Variants in KCNT2 observed in about 807,000 individuals in gnomAD.
KCNT2 encodes potassium sodium-activated channel subfamily T member 2, also known as potassium channel subfamily T member 2.
Under a neutral mutation model 153.8 loss-of-function variants are expected in KCNT2, and 67 were observed. That is an observed-to-expected ratio of 0.44 (90% confidence interval 0.36 to 0.53). The LOEUF is 0.53. Ranked by LOEUF, KCNT2 falls within the 20% of genes least tolerant of loss-of-function variation. The pLI is 0.00. For missense variants in KCNT2, 975 were observed against 1,354.8 expected (o/e 0.72, Z 4.40); for synonymous variants, 500 against 458.8 (o/e 1.09, Z -1.15).
Position 196,225,839 on chromosome 1 carries a change from A to G in KCNT2, c.*2385T>C, listed in dbSNP as rs181358209. ...AAAGCAGTTCAATGTAACTGGTAGC[A>G]AAATGGTACAGACAATAAACAGAAT... On this transcript the variant is annotated 3_prime_UTR_variant, in exon 28 of 28. Coordinates refer to ENST00000294725, the MANE Select transcript of KCNT2 (RefSeq NM_198503.5). 1.3e-5 allele frequency: 2 copies of G among 152,302 alleles called. No homozygotes were observed. The highest frequency in any genetic ancestry group is 1.3e-4 in the Admixed American group (2 of 15,304). The allele number at this position is 152,302 out of a possible 1,614,324, so 9.4% of individuals were successfully genotyped here. A position where few individuals can be genotyped will look rare whatever the true frequency, so the allele number is the denominator to read the frequency against.
chr1:196,328,641 A>AT (rs971705809), intron 18 of KCNT2, among the ~76,000 whole-genome samples: 1 of 151,804 alleles, frequency 6.6e-6, no homozygotes, highest in Non-Finnish European at 1.5e-5. Context: ...AAGAAAAAAA[A>AT]AAAAAACCAG....
chr1:196,371,828 G>A (rs1256050144), intron 14 of KCNT2, among the ~76,000 whole-genome samples: 11 of 152,000 alleles, frequency 7.2e-5, no homozygotes, highest in African/African-American at 2.4e-4. Context: ...CATGAGTAAT[G>A]AGCTGTGTTA....
intron 23 of KCNT2, among the ~76,000 whole-genome samples, chr1:196,284,248 A>AAAATATATATATATATATATATATAT: frequency 1.0e-4 from 1 of 10,048 alleles, no homozygotes; most frequent in Non-Finnish European, 5.3e-4. Context: ...AAAAAAAAAA[A>AAAATATATATATATATATATATATAT]ATATATATAT....
At chr1:196,271,189 T>C (rs1658031801) in intron 25 of KCNT2, among the ~76,000 whole-genome samples, 1 of 151,998 alleles carries the variant, frequency 6.6e-6, no homozygotes, top group Non-Finnish European at 1.5e-5. Flanking sequence ...ACCTGGTAAA[T>C]ACAAATATTT....
intron 1 of KCNT2, among the ~76,000 whole-genome samples, chr1:196,604,358 G>A (rs1400872039): frequency 6.6e-6 from 1 of 152,102 alleles, no homozygotes; most frequent in Non-Finnish European, 1.5e-5. Context: ...GGGGCCCTGA[G>A]ACATAGCAAA....
intron 27 of KCNT2, among the ~76,000 whole-genome samples, chr1:196,230,778 T>C (rs766150126): frequency 5.3e-5 from 8 of 151,964 alleles, no homozygotes; most frequent in Non-Finnish European, 1.2e-4. Context: ...TATCATCAAA[T>C]AAATTGGTTT....
intron 1 of KCNT2, among the ~76,000 whole-genome samples, chr1:196,574,199 G>A (rs1324887074): frequency 2.0e-5 from 3 of 151,906 alleles, no homozygotes; most frequent in Non-Finnish European, 4.4e-5. Context: ...GCATAAATAA[G>A]AGTAAATATG....
At chr1:196,553,450 A>G (rs922133400) in intron 1 of KCNT2, among the ~76,000 whole-genome samples, 1 of 151,230 alleles carries the variant, frequency 6.6e-6, no homozygotes, top group Non-Finnish European at 1.5e-5. Flanking sequence ...AATGTGCACC[A>G]TAGAACAAAT....
At chr1:196,372,354 T>C (rs975953028) in intron 14 of KCNT2, among the ~76,000 whole-genome samples, 26 of 151,944 alleles carry the variant, frequency 1.7e-4, no homozygotes, top group Admixed American at 1.7e-3. Context: ...TTAACTTACT[T>C]AATATGAGTA....
At chr1:196,382,598 G>A (rs1669606398) in intron 13 of KCNT2, among the ~76,000 whole-genome samples, 1 of 152,012 alleles carries the variant, frequency 6.6e-6, no homozygotes, top group African/African-American at 2.4e-5. Flanking sequence ...AGGGTATGAG[G>A]TAATTGGGCA....
intron 1 of KCNT2, among the ~76,000 whole-genome samples, chr1:196,583,064 TTCATTC>T (rs1176747419): frequency 3.9e-5 from 6 of 152,204 alleles, no homozygotes; most frequent in Admixed American, 2.6e-4. Context: ...GAGGTTGTTA[TTCATTC>T]CAGAGAGAGG....
chr1:196,240,615 T>C (rs1654866701), intron 26 of KCNT2, among the ~76,000 whole-genome samples: 1 of 152,022 alleles, frequency 6.6e-6, no homozygotes, highest in Non-Finnish European at 1.5e-5. Flanking sequence ...GCAAATGGCA[T>C]AGCAAGAGAT....
intron 26 of KCNT2, among the ~76,000 whole-genome samples, chr1:196,243,977 T>C (rs189110496): frequency 3.6e-4 from 55 of 152,026 alleles, no homozygotes; most frequent in Admixed American, 2.4e-3. Context: ...AAAAGGACTT[T>C]GTGTTGCAAC....
At chr1:196,467,581 G>T (rs1195176069) in intron 7 of KCNT2, 122 bp downstream of exon 7, 2 of 502,618 alleles carry the variant, frequency 4.0e-6, no homozygotes, top group Non-Finnish European at 7.2e-6. Context: ...CGTTATGGGA[G>T]AATGCAGAAT....
chr1:196,348,706 CAGA>C (rs549765680), intron 14 of KCNT2, among the ~76,000 whole-genome samples: 1 of 151,872 alleles, frequency 6.6e-6, no homozygotes, highest in Non-Finnish European at 1.5e-5. Context: ...AAATGGAGTA[CAGA>C]AGAACAGTAT....
intron 8 of KCNT2, among the ~76,000 whole-genome samples, chr1:196,462,344 C>T (rs571019806): frequency 2.6e-5 from 4 of 151,536 alleles, no homozygotes; most frequent in Admixed American, 2.0e-4. Context: ...ACCAAGAGAG[C>T]GATGCTACCA....
intron 12 of KCNT2, among the ~76,000 whole-genome samples, chr1:196,402,636 C>CA (rs1423859776): frequency 6.6e-6 from 1 of 151,236 alleles, no homozygotes; most frequent in East Asian, 2.0e-4. Context: ...AGGAAACAAA[C>CA]AAAACAATTT....
intron 1 of KCNT2, among the ~76,000 whole-genome samples, chr1:196,506,705 C>A (rs958847832): frequency 1.3e-5 from 2 of 152,160 alleles, no homozygotes; most frequent in African/African-American, 4.8e-5. Context: ...ATTACAACAT[C>A]ACTCTCCTGA....
chr1:196,389,782 A>G lies in KCNT2; in HGVS notation c.1294+8781T>C, dbSNP rs1670311730. On this transcript the variant is annotated intron_variant, in intron 13 of 27. Transcript: ENST00000294725. ...GAAAAGTTAGTGGTAAGCTTTTATTACTGAAAACTAATACTGATCTATTTA... is the reference window on the plus strand; with the variant it reads ...GAAAAGTTAGTGGTAAGCTTTTATTGCTGAAAACTAATACTGATCTATTTA... 2.6e-5 allele frequency among the ~76,000 whole-genome samples: 4 copies of G among 151,606 alleles called. No homozygotes were observed. The South Asian group carries it at 8.3e-4, about 31-fold the overall frequency.
Sources: gnomAD v4.1 joint callset for allele counts (sites outside exome capture counted in the v4.1 genomes callset) on GRCh38, gnomAD v4.1.1 for gene constraint, MANE v1.5 for transcripts, NCBI Gene and HGNC (gene_info 2026-07-23, HGNC 2026-07-21) for gene names.